CACNB2: variants seen among roughly 807,000 people sequenced by gnomAD.
CACNB2 encodes voltage-dependent L-type calcium channel subunit beta-2.
A neutral mutation model predicts 73.3 loss-of-function variants in CACNB2; 42 were observed. The observed-to-expected ratio is 0.57, with a 90% confidence interval of 0.45 to 0.74. The LOEUF is 0.74. Ranked by LOEUF, CACNB2 falls within the 30% of genes least tolerant of loss-of-function variation. CACNB2 has a pLI of 0.00. For synonymous variants in CACNB2, 348 were observed against 310.3 expected (o/e 1.12, Z -1.28); for missense variants, 940 against 853.0 (o/e 1.10, Z -1.27).
chr10:18,463,615 T>G (rs2047705671), intron 3 of CACNB2, among the ~76,000 whole-genome samples: 1 of 151,536 alleles, frequency 6.6e-6, no homozygotes, highest in Non-Finnish European at 1.5e-5. Flanking sequence ...GTTTTTTTTT[T>G]GTAGAGATGG....
chr10:18,331,341 A>G (rs1199349662), intron 2 of CACNB2, among the ~76,000 whole-genome samples: 2 of 151,382 alleles, frequency 1.3e-5, no homozygotes, highest in African/African-American at 2.4e-5. Context: ...ATTGTCCTAG[A>G]TACTTGGGAG....
intron 2 of CACNB2, among the ~76,000 whole-genome samples, chr10:18,324,893 G>T (rs1166325588): frequency 2.0e-5 from 3 of 152,166 alleles, no homozygotes; most frequent in African/African-American, 7.2e-5. Flanking sequence ...CCTTACATGT[G>T]CCAGACACTA....
chr10:18,526,901 C>A (rs1275006978), intron 9 of CACNB2, among the ~76,000 whole-genome samples: 1 of 152,180 alleles, frequency 6.6e-6, no homozygotes, highest in African/African-American at 2.4e-5. Context: ...CAAATCCCAG[C>A]TCTCCCACTT....
intron 2 of CACNB2, among the ~76,000 whole-genome samples, chr10:18,280,552 C>T (rs545710820): frequency 4.6e-5 from 7 of 152,286 alleles, no homozygotes; most frequent in African/African-American, 1.7e-4. Flanking sequence ...AATGCACCCT[C>T]ACAGGGAGCA....
At chr10:18,372,663 T>C (rs2042637309) in intron 2 of CACNB2, among the ~76,000 whole-genome samples, 1 of 152,206 alleles carries the variant, frequency 6.6e-6, no homozygotes, top group Admixed American at 6.5e-5. Context: ...CGCCTTCGCC[T>C]CCCAAAGTGC....
At chr10:18,312,763 G>A (rs1245402438) in intron 2 of CACNB2, among the ~76,000 whole-genome samples, 1 of 152,102 alleles carries the variant, frequency 6.6e-6, no homozygotes, top group Non-Finnish European at 1.5e-5. Context: ...GATAAGTCCT[G>A]TCTCCTTTGC....
intron 3 of CACNB2, among the ~76,000 whole-genome samples, chr10:18,454,099 T>C (rs565125952): frequency 6.6e-6 from 1 of 152,212 alleles, no homozygotes; most frequent in East Asian, 1.9e-4. Context: ...TCTCTTGAAA[T>C]GTAAACAGGA....
intron 2 of CACNB2, among the ~76,000 whole-genome samples, chr10:18,330,401 A>G (rs2040753539): frequency 6.6e-6 from 1 of 152,200 alleles, no homozygotes; most frequent in African/African-American, 2.4e-5. Context: ...CTGTAATTCC[A>G]GCACTTTGGG....
At chr10:18,151,804 T>C (rs10764325) in intron 2 of CACNB2, among the ~76,000 whole-genome samples, 75,701 of 151,830 alleles carry the variant, frequency 0.5, 19,282 homozygotes, top group African/African-American at 0.6. Context: ...CAGTGTCTGA[T>C]CAGTACTCTC....
At chr10:18,221,608 G>A (rs2035795331) in intron 2 of CACNB2, among the ~76,000 whole-genome samples, 1 of 152,298 alleles carries the variant, frequency 6.6e-6, no homozygotes, top group South Asian at 2.1e-4. Context: ...AAACCTGGGA[G>A]GTGAAGGTTG....
intron 3 of CACNB2, among the ~76,000 whole-genome samples, chr10:18,495,886 T>C (rs1413323954): frequency 6.6e-6 from 1 of 151,964 alleles, no homozygotes; most frequent in Non-Finnish European, 1.5e-5. Context: ...TACAGGTAAA[T>C]AAATGTACAC....
At chr10:18,502,347 G>A (rs1424727644) in intron 5 of CACNB2, among the ~76,000 whole-genome samples, 1 of 150,802 alleles carries the variant, frequency 6.6e-6, no homozygotes, top group Non-Finnish European at 1.5e-5. Context: ...GCAGCAACAT[G>A]GATGGAGCCG....
At chr10:18,527,524 C>A in intron 9 of CACNB2, 64 bp from the exon 10 acceptor site, 1 of 1,001,596 alleles carries the variant, frequency 1.0e-6, no homozygotes. Flanking sequence ...TTGGGGCATA[C>A]ACTTCTATCC....
chr10:18,415,525 GT>G (rs2044902250), intron 3 of CACNB2, among the ~76,000 whole-genome samples: 1 of 151,936 alleles, frequency 6.6e-6, no homozygotes, highest in Non-Finnish European at 1.5e-5. Context: ...TGGCAAATGG[GT>G]GGACCCCAAC....
chr10:18,227,770 A>G (rs2036054117), intron 2 of CACNB2, among the ~76,000 whole-genome samples: 1 of 152,204 alleles, frequency 6.6e-6, no homozygotes, highest in Non-Finnish European at 1.5e-5. Flanking sequence ...CTCACCGCCT[A>G]TAATTTGTGC....
intron 3 of CACNB2, among the ~76,000 whole-genome samples, chr10:18,481,899 T>C (rs899072637): frequency 1.3e-5 from 2 of 152,160 alleles, no homozygotes; most frequent in African/African-American, 2.4e-5. Context: ...ATTTTTTTTC[T>C]GAGACAGAGT....
intron 2 of CACNB2, among the ~76,000 whole-genome samples, chr10:18,177,886 C>A (rs577287277): frequency 6.6e-6 from 1 of 152,180 alleles, no homozygotes; most frequent in Admixed American, 6.5e-5. Flanking sequence ...GCTTAACTTT[C>A]CATTTGGCAT....
intron 2 of CACNB2, among the ~76,000 whole-genome samples, chr10:18,184,509 A>G (rs150131968): frequency 1.1e-3 from 166 of 152,190 alleles, no homozygotes; most frequent in Middle Eastern, 6.8e-3. Flanking sequence ...CTAACCAACT[A>G]AAGTCCATAC....
intron 3 of CACNB2, among the ~76,000 whole-genome samples, chr10:18,437,307 C>T (rs2046184835): frequency 6.6e-6 from 1 of 152,052 alleles, no homozygotes; most frequent in Non-Finnish European, 1.5e-5. Flanking sequence ...AGGGATACTT[C>T]TAAGTTAGTG....
Sources: allele counts gnomAD v4.1 joint callset (sites outside exome capture counted in the v4.1 genomes callset), GRCh38; gene constraint gnomAD v4.1.1; transcripts MANE v1.5; gene names NCBI Gene and HGNC (gene_info 2026-07-23, HGNC 2026-07-21).